SMG6: variants seen among roughly 807,000 people sequenced by gnomAD.
The protein encoded by SMG6 is SMG6 nonsense mediated mRNA decay factor.
SMG6 carries 66 observed loss-of-function variants against 142.2 expected under a neutral mutation model. The ratio of observed to expected loss-of-function variants is 0.46; its 90% CI spans 0.38 to 0.57. SMG6 has a LOEUF of 0.57. Ranked by LOEUF, SMG6 falls within the 20% of genes least tolerant of loss-of-function variation. SMG6 has a pLI of 0.00. For synonymous variants in SMG6, 779 were observed against 702.4 expected (o/e 1.11, Z -1.72); for missense variants, 1,793 against 1,832.0 (o/e 0.98, Z 0.39).
chr17:2,297,859 T>C lies in SMG6; in HGVS notation c.2040+4A>G. ...ATCCTGAGGACAAAAAGATGACAGT[T>C]TACCTCATCCAAGAGCTCCAAAAGT... On this transcript the variant is annotated splice_donor_region_variant and intron_variant, in intron 3 of 18. Coordinates refer to ENST00000263073, the MANE Select transcript of SMG6 (RefSeq NM_017575.5). 6.2e-7 allele frequency: 1 copy of C among 1,608,224 alleles called. No individual in the cohort carries two copies. Among genetic ancestry groups the C allele is most frequent in the Non-Finnish European group, 8.5e-7 (1 of 1,179,860 alleles).
At chr17:2,154,656 G>C (rs1281077221) in intron 13 of SMG6, among the ~76,000 whole-genome samples, 1 of 152,160 alleles carries the variant, frequency 6.6e-6, no homozygotes, top group East Asian at 1.9e-4. Flanking sequence ...ACTAACTAGA[G>C]GCCTGCTGGC....
chr17:2,105,534 ACT>A (rs1021413468), intron 13 of SMG6, among the ~76,000 whole-genome samples: 1 of 151,762 alleles, frequency 6.6e-6, no homozygotes, highest in Non-Finnish European at 1.5e-5. Flanking sequence ...CAAGAGCAAA[ACT>A]CTGTCTCAAA....
chr17:2,069,707 G>A (rs1313486443), intron 15 of SMG6, among the ~76,000 whole-genome samples: 5 of 152,200 alleles, frequency 3.3e-5, no homozygotes, highest in African/African-American at 9.6e-5. Flanking sequence ...AGCAGCAGCC[G>A]AAGTCCGTGC....
At chr17:2,074,716 T>C (rs2068208479) in intron 15 of SMG6, among the ~76,000 whole-genome samples, 1 of 152,226 alleles carries the variant, frequency 6.6e-6, no homozygotes, top group African/African-American at 2.4e-5. Context: ...TGTTGTATCA[T>C]AGGACTTCGG....
At chr17:2,263,984 G>A (rs915700799) in intron 8 of SMG6, among the ~76,000 whole-genome samples, 18 of 152,054 alleles carry the variant, frequency 1.2e-4, no homozygotes, top group African/African-American at 4.1e-4. Flanking sequence ...AATATAGGAA[G>A]TTGGTGAGAA....
At position 2,156,241 on chromosome 17, in the gene SMG6, A is replaced by T. The variant is rs541199263; in HGVS notation, c.3357+16417T>A. 6.6e-5 allele frequency among the ~76,000 whole-genome samples: 10 copies of T among 151,132 alleles called. 1 individual carries two copies. The South Asian group carries it at 1.3e-3, about 19-fold the overall frequency. On this transcript the variant is annotated intron_variant, in intron 13 of 18. Coordinates refer to ENST00000263073, the MANE Select transcript of SMG6 (RefSeq NM_017575.5). ...TCTGTCTCTACTAAAAATACAAAAA[A>T]AATTAGCCGGGCGTGGTCAGTGGGT...
rs1458921831 is a variant in SMG6 at position 2,282,872 on chromosome 17, C to T, written c.2449-13G>A. On this transcript the variant is annotated splice_polypyrimidine_tract_variant and intron_variant, in intron 7 of 18. Coordinates refer to ENST00000263073, the MANE Select transcript of SMG6 (RefSeq NM_017575.5). Reference sequence around the variant, plus strand: ...CCATCTGTTCTGCCTATATAACATACAAACACATTAGCTCATGGCCTGGTG... The same window carrying T: ...CCATCTGTTCTGCCTATATAACATATAAACACATTAGCTCATGGCCTGGTG... 24 of 1,613,398 alleles carry T rather than the reference C, an allele frequency of 1.5e-5. No individual in the cohort carries two copies. Among genetic ancestry groups the T allele is most frequent in the Non-Finnish European group, 2.0e-5 (24 of 1,179,524 alleles).
chr17:2,255,020 G>C (rs1459517355), intron 8 of SMG6, among the ~76,000 whole-genome samples: 1 of 152,108 alleles, frequency 6.6e-6, no homozygotes, highest in African/African-American at 2.4e-5. Flanking sequence ...TCTCAAAAGT[G>C]GTACATTGTA....
intron 13 of SMG6, among the ~76,000 whole-genome samples, chr17:2,086,447 C>T (rs2068563346): frequency 6.6e-6 from 1 of 152,164 alleles, no homozygotes; most frequent in South Asian, 2.1e-4. Context: ...GGTTCCTGCC[C>T]TATCTAAGAG....
Position 2,068,006 on chromosome 17 carries a change from A to C in SMG6, c.3835+772T>G, listed in dbSNP as rs1376124988. On this transcript the variant is annotated intron_variant, in intron 16 of 18. Coordinates refer to ENST00000263073, the MANE Select transcript of SMG6 (RefSeq NM_017575.5). The surrounding 1 kb of genome is among the most constrained non-coding windows in gnomAD (Gnocchi z 6.7). ...CCTGGGCCTCCCAATCATCTCCTAG[A>C]CTCTCTCCCTCCACAGAGGCCATCA... Among the ~76,000 whole-genome samples, 1 of 151,318 alleles carries C rather than the reference A, an allele frequency of 6.6e-6. No homozygotes were observed. The highest frequency in any genetic ancestry group is 1.5e-5 in the Non-Finnish European group (1 of 67,850).
chr17:2,119,927 G>A (rs2069633660), intron 13 of SMG6, among the ~76,000 whole-genome samples: 1 of 152,156 alleles, frequency 6.6e-6, no homozygotes, highest in African/African-American at 2.4e-5. Flanking sequence ...CTCCCAAAGT[G>A]CTGATATTAC....
At chr17:2,065,891 C>G (rs1170835240) in intron 16 of SMG6, 22 of 587,228 alleles carry the variant, frequency 3.7e-5, no homozygotes, top group Non-Finnish European at 6.1e-5. Flanking sequence ...TCTGTCTCTT[C>G]TCCTGGGCCC....
intron 13 of SMG6, among the ~76,000 whole-genome samples, chr17:2,157,713 GA>G (rs2071050126): frequency 6.6e-6 from 1 of 152,178 alleles, no homozygotes; most frequent in Admixed American, 6.5e-5. Context: ...GTCTGCAAAT[GA>G]TCTTCATCAG....
intron 6 of SMG6, among the ~76,000 whole-genome samples, 171 bp from the exon 7 acceptor site, chr17:2,283,906 T>C (rs2074846941): frequency 6.6e-6 from 1 of 152,104 alleles, no homozygotes; most frequent in African/African-American, 2.4e-5. Context: ...TGCAATTACA[T>C]CACAGATCTC....
rs956246269 is a variant in SMG6, at chr17:2,300,714, A to G, written c.89-50T>C. On this transcript the variant is annotated intron_variant, in intron 1 of 18. Transcript: ENST00000263073. ...GGAGGGAAAGGTAGAAGATAAGAAT[A>G]AAGAAGGAAGATAGGGGAAAGACTG... 4.7e-6 allele frequency: 7 copies of G among 1,482,356 alleles called. No individual in the cohort carries two copies. The Middle Eastern group carries it at 5.4e-4, about 115-fold the overall frequency. The allele number at this position is 1,482,356 out of a possible 1,614,324, so 91.8% of individuals were successfully genotyped here. A position where few individuals can be genotyped will look rare whatever the true frequency, so the allele number is the denominator to read the frequency against.
intron 8 of SMG6, among the ~76,000 whole-genome samples, chr17:2,254,733 AC>A (rs1381412748): frequency 1.3e-5 from 2 of 152,134 alleles, no homozygotes. Context: ...TTCAACAAAA[AC>A]CTACTGGGCA....
chr17:2,236,750 C>T (rs2073672575), intron 9 of SMG6, 113 bp from the exon 10 acceptor site: 2 of 1,052,194 alleles, frequency 1.9e-6, no homozygotes, highest in African/African-American at 1.8e-5. Flanking sequence ...CACACACACA[C>T]ACCAGACAAC....
Position 2,186,715 on chromosome 17 carries a change from C to A in SMG6, c.3103G>T (p.Gly1035Cys). 1 of 1,614,210 alleles carries A rather than the reference C, an allele frequency of 6.2e-7. No individual in the cohort carries two copies. Among genetic ancestry groups the A allele is most frequent in the South Asian group, 1.1e-5 (1 of 91,084 alleles). The change falls in exon 12 of 19, where the codon GGC becomes TGC. Residue 1035 changes from glycine (G) to cysteine (C), a missense_variant. By Grantham distance (159) the Gly-to-Cys change is radical. Coordinates refer to ENST00000263073, the MANE Select transcript of SMG6 (RefSeq NM_017575.5). ...SVKVWSDWMLGYPDTWNPPPT... is the reference protein window; with the variant it reads ...SVKVWSDWMLCYPDTWNPPPT... ...GGAGGATTCCAGGTGTCCGGGTAGC[C>A]GAGCATCCAATCTGACCAGACTTTG...
chr17:2,249,164 A>G (rs1360037075), intron 8 of SMG6, among the ~76,000 whole-genome samples: 1 of 151,942 alleles, frequency 6.6e-6, no homozygotes, highest in African/African-American at 2.4e-5. Context: ...AAGTGCTGGG[A>G]TTACAGGCGT....
Sources: gnomAD v4.1 joint callset for allele counts (sites outside exome capture counted in the v4.1 genomes callset) on GRCh38, gnomAD v4.1.1 for gene constraint, Gnocchi (gnomAD v3.1) non-coding constraint, MANE v1.5 for transcripts, NCBI Gene and HGNC (gene_info 2026-07-23, HGNC 2026-07-21) for gene names.